The following C8orf76 variants were observed in gnomAD, a reference collection of about 807,000 sequenced individuals.
The protein encoded by C8orf76 is uncharacterized protein C8orf76.
C8orf76 carries 46 observed loss-of-function variants against 38.1 expected under a neutral mutation model. The ratio of observed to expected loss-of-function variants is 1.21; its 90% confidence interval spans 0.95 to 1.54. The LOEUF is 1.54. Among genes scored for constraint, C8orf76 ranks in the 40% most tolerant of loss-of-function variants. The pLI is 0.00. For missense variants in C8orf76, 461 were observed against 441.6 expected, an observed-to-expected ratio of 1.04 and a Z score of -0.39; for synonymous variants, 166 against 167.5, an observed-to-expected ratio of 0.99 and a Z score of 0.07.
At position 123,231,578 on chromosome 8, in the gene C8orf76, T is replaced by G. The variant is rs537194207; in HGVS notation, c.537A>C (p.Pro179=). The G allele has an allele frequency of 6.2e-7, 1 of 1,614,258 alleles. No individual in the cohort carries two copies. The highest frequency in any genetic ancestry group is 1.3e-5 in the African/African-American group (1 of 75,070). ...ATGACGCAAGTGCTGCTGAAAGAGC[T>G]GGCCCCAGATTCAGGTAAGCCTCTG... ...KLAEAYLNLG[P]ALSAALASSQ... Residue 179 remains proline, a synonymous_variant, in exon 4 of 6, where the codon CCA becomes CCC. Transcript: ENST00000276704.
chr8:123,226,257 G>A, intron 5 of C8orf76: 2 of 1,350,080 alleles, frequency 1.5e-6, no homozygotes, highest in South Asian at 1.9e-5. Context: ...TGATGTTCAG[G>A]CAGGCAGGTG....
Position 123,222,082 on chromosome 8 carries a change from G to A in C8orf76, c.949-1785C>T, listed in dbSNP as rs1032915594. On this transcript the variant is annotated intron_variant, in intron 5 of 5. Transcript: ENST00000276704. ...TGGCTCACTGCAACCTCTGCCTCCTGGATCGAAGCTATTCTCCTGCCTCAG... is the reference window on the plus strand; with the variant it reads ...TGGCTCACTGCAACCTCTGCCTCCTAGATCGAAGCTATTCTCCTGCCTCAG... Among the ~76,000 whole-genome samples, 3 of 152,234 alleles carry A rather than the reference G, an allele frequency of 2.0e-5. No individual in the cohort carries two copies. In the East Asian group the frequency reaches 5.8e-4, roughly 29 times the overall value.
At chr8:123,221,976 C>T (rs924370073) in intron 5 of C8orf76, among the ~76,000 whole-genome samples, 3 of 151,986 alleles carry the variant, frequency 2.0e-5, no homozygotes, top group Admixed American at 2.0e-4. Context: ...GTGTAAATGG[C>T]ATCTTATTTT....
At chr8:123,238,800 C>A (rs768695281) in intron 2 of C8orf76, 2 of 407,028 alleles carry the variant, frequency 4.9e-6, no homozygotes, top group Non-Finnish European at 9.1e-6. Context: ...AGATTCAGAA[C>A]CTTGAGGAAT....
intron 3 of C8orf76, chr8:123,237,033 T>G (rs1315304880): frequency 1.4e-6 from 2 of 1,408,988 alleles, no homozygotes; most frequent in Non-Finnish European, 2.0e-6. Flanking sequence ...GAGTCCACCC[T>G]GCACCTGGTG....
chr8:123,232,880 C>G (rs1174726295), intron 3 of C8orf76, among the ~76,000 whole-genome samples: 1 of 152,158 alleles, frequency 6.6e-6, no homozygotes, highest in Non-Finnish European at 1.5e-5. Flanking sequence ...TCGGCCATCA[C>G]AGATGTTAAA....
intron 3 of C8orf76, 37 bp downstream of exon 3, chr8:123,237,761 A>T: frequency 6.3e-7 from 1 of 1,599,488 alleles, no homozygotes; most frequent in Non-Finnish European, 8.5e-7. Context: ...CCACCCTTAT[A>T]GGAATGTGTG....
intron 3 of C8orf76, 80 bp from the exon 4 acceptor site, chr8:123,231,837 G>T: frequency 1.4e-6 from 2 of 1,387,212 alleles, no homozygotes; most frequent in South Asian, 1.4e-5. Flanking sequence ...AAAAAACCAA[G>T]TTGTATATGT....
Position 123,231,655 on chromosome 8 carries a change from G to T in C8orf76, c.460C>A (p.Gln154Lys). 1 of 1,614,114 alleles carries T rather than the reference G, an allele frequency of 6.2e-7. No individual in the cohort carries two copies. Among genetic ancestry groups the T allele is most frequent in the Middle Eastern group, 1.6e-4 (1 of 6,062 alleles). Residue 154 changes from glutamine (Q) to lysine (K), a missense_variant, in exon 4 of 6, where the codon CAG becomes AAG. Coordinates refer to ENST00000276704, the MANE Select transcript of C8orf76 (RefSeq NM_032847.3). The part of the protein sequence containing the change: ...QNLEKTIFCL[Q>K]KLISLHPFNP... ...AAAGGATGCAAAGAAATCAGTTTCT[G>T]CAGGCAGAAAATTGTTTTCTCCAAG...
intron 4 of C8orf76, among the ~76,000 whole-genome samples, chr8:123,230,913 G>A (rs1825238507): frequency 6.6e-6 from 1 of 152,190 alleles, no homozygotes; most frequent in Admixed American, 6.5e-5. Flanking sequence ...CTCCCAAAGT[G>A]CTGGGATTAC....
chr8:123,232,924 T>C (rs1825326925), intron 3 of C8orf76, among the ~76,000 whole-genome samples: 1 of 152,224 alleles, frequency 6.6e-6, no homozygotes, highest in Admixed American at 6.5e-5. Context: ...TAAAGTCAAA[T>C]CATGTCATTT....
intron 4 of C8orf76, among the ~76,000 whole-genome samples, chr8:123,230,727 T>C (rs1385399514): frequency 6.6e-6 from 1 of 151,658 alleles, no homozygotes; most frequent in Non-Finnish European, 1.5e-5. Context: ...CTCAGCTCAC[T>C]GCAACCTCCG....
intron 3 of C8orf76, 143 bp downstream of exon 3, chr8:123,237,655 T>A (rs1472411431): frequency 9.2e-6 from 11 of 1,198,758 alleles, no homozygotes; most frequent in Non-Finnish European, 9.9e-6. Flanking sequence ...ATAATAAAAC[T>A]CTCACACCCC....
chr8:123,220,177 A>G lies in C8orf76; in HGVS notation c.1069T>C (p.Trp357Arg). The change falls in exon 6 of 6, where the codon TGG (tryptophan) becomes CGG (arginine). Residue 357 changes from tryptophan to arginine, a missense_variant. Physicochemically the swap from Trp to Arg is moderately radical, Grantham distance 101. Transcript: ENST00000276704. The stretch of plus-strand genomic sequence containing the variant: ...AAATGGTCTTTGATCTTTCTGAACC[A>G]CTTGTCTTCAAATTCTTCTGAGGAT... ...TVSSEEFEDK[W>R]FRKIKDHFCP... 6.2e-7 allele frequency: 1 copy of G among 1,614,110 alleles called. No homozygotes were observed. The highest frequency in any genetic ancestry group is 2.2e-5 in the East Asian group (1 of 44,888).
intron 1 of C8orf76, among the ~76,000 whole-genome samples, chr8:123,240,804 T>C (rs1252684957): frequency 2.0e-5 from 3 of 152,162 alleles, no homozygotes; most frequent in Non-Finnish European, 4.4e-5. Flanking sequence ...CTGAAGGACT[T>C]TAACCATCAG....
At chr8:123,234,859 G>T (rs1825402350) in intron 3 of C8orf76, among the ~76,000 whole-genome samples, 1 of 152,122 alleles carries the variant, frequency 6.6e-6, no homozygotes. Flanking sequence ...CTACTTGGGT[G>T]GCTGAGACAG....
chr8:123,225,664 G>A (rs1825019694), intron 5 of C8orf76, among the ~76,000 whole-genome samples: 1 of 152,084 alleles, frequency 6.6e-6, no homozygotes, highest in Admixed American at 6.6e-5. Flanking sequence ...TGGTGGCCCA[G>A]GCCTGTAATC....
chr8:123,220,046 T>A lies in C8orf76; in HGVS notation c.*57A>T. 9.5e-7 allele frequency: 1 copy of A among 1,049,752 alleles called. No individual in the cohort carries two copies. The highest frequency in any genetic ancestry group is 2.5e-5 in the East Asian group (1 of 39,592). 65.0% of individuals were successfully genotyped at this position (1,049,752 alleles called of 1,614,324 possible). ...GATTAGCAATGGATCCTGTCTGAAG[T>A]AAACAAGGACAATTAATACAGTACA... is the stretch of plus-strand genomic sequence containing the variant. On this transcript the variant is annotated 3_prime_UTR_variant, in exon 6 of 6. Transcript: ENST00000276704.
At chr8:123,220,501 A>C (rs1173179845) in intron 5 of C8orf76, among the ~76,000 whole-genome samples, 1 of 152,186 alleles carries the variant, frequency 6.6e-6, no homozygotes, top group Non-Finnish European at 1.5e-5. Context: ...ATCTTATCTG[A>C]TCTCAGAAGT....
Sources: allele counts gnomAD v4.1 joint callset (sites outside exome capture counted in the v4.1 genomes callset), GRCh38; gene constraint gnomAD v4.1.1; transcripts MANE v1.5; gene names NCBI Gene and HGNC (gene_info 2026-07-23, HGNC 2026-07-21).